The following DAB1 variants were observed in gnomAD, a reference collection of about 807,000 sequenced individuals.
The protein encoded by DAB1 is DAB adaptor protein 1, also known as disabled homolog 1.
DAB1 carries 15 observed loss-of-function variants against 64.6 expected under a neutral mutation model. The observed-to-expected ratio is 0.23, with a 90% CI of 0.16 to 0.36. The LOEUF (loss-of-function observed/expected upper bound fraction) is 0.36, where lower values mean the gene tolerates loss of function less well. Ranked by LOEUF, DAB1 falls within the 10% of genes least tolerant of loss-of-function variation. The pLI is 1.00. For synonymous variants in DAB1, 235 were observed against 251.9 expected (o/e 0.93, Z 0.64); for missense variants, 596 against 706.7 (o/e 0.84, Z 1.78).
At chr1:57,535,603 C>T (rs1400690047) in intron 7 of DAB1, among the ~76,000 whole-genome samples, 1 of 151,706 alleles carries the variant, frequency 6.6e-6, no homozygotes, top group East Asian at 2.0e-4. Context: ...GCTGGGATTA[C>T]AGGCACGCGC....
chr1:57,106,254 A>ATC (rs1557730619), intron 4 of DAB1, among the ~76,000 whole-genome samples: 1 of 87,684 alleles, frequency 1.1e-5, no homozygotes, highest in Non-Finnish European at 2.3e-5. Context: ...TTATCCCCCT[A>ATC]ACACCCCCCC....
Position 57,291,102 on chromosome 1 carries a change from G to A in DAB1, c.-72C>T, listed in dbSNP as rs996518110. The stretch of plus-strand genomic sequence containing the variant: ...AGGCTCATTGAGGACTCTTCTCCAA[G>A]AGAAAGACTCCTCCCTTCAGAAATG... On this transcript the variant is annotated 5_prime_UTR_variant, in exon 2 of 15. Transcript: ENST00000371236. 37 of 944,494 alleles carry A rather than the reference G, an allele frequency of 3.9e-5. No individual in the cohort carries two copies. Among genetic ancestry groups the A allele is most frequent in the Non-Finnish European group, 6.0e-5 (37 of 613,204 alleles). 58.5% of individuals were successfully genotyped at this position (944,494 alleles called of 1,614,324 possible).
chr1:58,169,061 T>C (rs555632839), intron 4 of DAB1, among the ~76,000 whole-genome samples: 1 of 152,306 alleles, frequency 6.6e-6, no homozygotes, highest in South Asian at 2.1e-4. Flanking sequence ...GCTGCTACGT[T>C]GATGAGTGCA....
At chr1:57,284,126 T>C (rs1393274198) in intron 2 of DAB1, among the ~76,000 whole-genome samples, 1 of 152,222 alleles carries the variant, frequency 6.6e-6, no homozygotes, top group Non-Finnish European at 1.5e-5. Flanking sequence ...AATATTTTAA[T>C]GAATAAAAAT....
At chr1:57,744,839 C>T (rs77438556) in intron 6 of DAB1, among the ~76,000 whole-genome samples, 1 of 152,286 alleles carries the variant, frequency 6.6e-6, no homozygotes, top group East Asian at 1.9e-4. Context: ...GGAACAAAAG[C>T]TAAATGGGAG....
intron 4 of DAB1, among the ~76,000 whole-genome samples, chr1:58,198,347 C>A (rs1657804609): frequency 6.6e-6 from 1 of 152,176 alleles, no homozygotes; most frequent in Non-Finnish European, 1.5e-5. Context: ...GTCTTAATCA[C>A]GTAATATTTA....
chr1:57,347,474 T>G (rs1196869458), intron 1 of DAB1, among the ~76,000 whole-genome samples: 1 of 152,238 alleles, frequency 6.6e-6, no homozygotes, highest in East Asian at 1.9e-4. Flanking sequence ...TCTAATTTGC[T>G]GCACAAATGT....
intron 6 of DAB1, among the ~76,000 whole-genome samples, chr1:57,800,926 T>C (rs559604867): frequency 6.6e-6 from 1 of 152,316 alleles, no homozygotes; most frequent in Non-Finnish European, 1.5e-5. Flanking sequence ...TTCATCTATA[T>C]ACACAGGCAT....
intron 4 of DAB1, among the ~76,000 whole-genome samples, chr1:58,320,916 C>G (rs77385857): frequency 0.018 from 2,713 of 152,284 alleles, 77 homozygotes; most frequent in African/African-American, 0.063. Context: ...CCAGCTCATT[C>G]TCCTCCTCCC....
At chr1:57,800,990 A>C (rs1473503075) in intron 6 of DAB1, among the ~76,000 whole-genome samples, 2 of 152,222 alleles carry the variant, frequency 1.3e-5, no homozygotes, top group African/African-American at 2.4e-5. Context: ...AATTCTAAAG[A>C]AGAATAAATC....
At chr1:57,565,517 T>C (rs879938833) in intron 7 of DAB1, among the ~76,000 whole-genome samples, 5 of 152,174 alleles carry the variant, frequency 3.3e-5, no homozygotes, top group African/African-American at 4.8e-5. Flanking sequence ...GTGTGTTGTA[T>C]TCTGGAGACC....
chr1:58,174,192 C>A (rs1480537506), intron 4 of DAB1, among the ~76,000 whole-genome samples: 2 of 152,152 alleles, frequency 1.3e-5, no homozygotes, highest in African/African-American at 4.8e-5. Flanking sequence ...TGTCACCTGG[C>A]ATTTACAGGA....
chr1:57,893,977 C>T lies in DAB1; in HGVS notation n.388-9815G>A, dbSNP rs1213719920. On this transcript the variant is annotated intron_variant and non_coding_transcript_variant, in intron 5 of 20. Coordinates refer to the DAB1 transcript ENST00000485760. ...GGACATCCGGCTGGGGAGGGAAGAACGCCTCAACTGAGCATGCATACAACT... is the reference window on the plus strand; with the variant it reads ...GGACATCCGGCTGGGGAGGGAAGAATGCCTCAACTGAGCATGCATACAACT... Among the ~76,000 whole-genome samples the T allele has an allele frequency of 3.3e-5, 5 of 152,196 alleles. No individual in the cohort carries two copies. The South Asian group carries it at 6.2e-4, about 19-fold the overall frequency.
intron 3 of DAB1, among the ~76,000 whole-genome samples, chr1:58,467,643 G>A (rs1179269373): frequency 1.3e-5 from 2 of 152,124 alleles, no homozygotes; most frequent in Non-Finnish European, 2.9e-5. Flanking sequence ...TCAACTGCTG[G>A]CATGTGACAA....
intron 9 of DAB1, among the ~76,000 whole-genome samples, chr1:57,060,507 C>T (rs1420517895): frequency 6.6e-6 from 1 of 152,030 alleles, no homozygotes; most frequent in Non-Finnish European, 1.5e-5. Context: ...TTTCATATAC[C>T]AGGCCATGGG....
rs184551593 is a variant in DAB1, at chr1:57,110,185, T to C, written c.306+26358A>G. On this transcript the variant is annotated intron_variant, in intron 4 of 14. Transcript: ENST00000371236. ...CTGCTCTCTGCTAGGAATAAAAACA[T>C]GAGCGAGACCAGTCTCTGCCACCAT... Among the ~76,000 whole-genome samples the C allele has an allele frequency of 2.5e-3, 383 of 152,326 alleles. 2 individuals carry two copies. Among genetic ancestry groups the C allele is most frequent in the Non-Finnish European group, 2.9e-3 (194 of 68,026 alleles).
At chr1:58,166,774 A>T (rs1570438097) in intron 4 of DAB1, among the ~76,000 whole-genome samples, 1 of 146,166 alleles carries the variant, frequency 6.8e-6, no homozygotes, top group Non-Finnish European at 1.5e-5. Flanking sequence ...TTAATTTGAG[A>T]CAGGGTCTTG....
At chr1:57,085,640 C>T (rs369393990) in intron 4 of DAB1, among the ~76,000 whole-genome samples, 2 of 152,208 alleles carry the variant, frequency 1.3e-5, no homozygotes, top group Non-Finnish European at 2.9e-5. Flanking sequence ...TTCTTCCTAA[C>T]ACAAACCACA....
chr1:58,416,713 GCCA>G (rs1443293795), intron 3 of DAB1, among the ~76,000 whole-genome samples: 2 of 151,804 alleles, frequency 1.3e-5, no homozygotes, highest in Non-Finnish European at 2.9e-5. Flanking sequence ...AATATAGGTG[GCCA>G]CCTTCTTGCT....
Sources: gnomAD v4.1 joint callset for allele counts (sites outside exome capture counted in the v4.1 genomes callset) on GRCh38, gnomAD v4.1.1 for gene constraint, MANE v1.5 for transcripts, NCBI Gene and HGNC (gene_info 2026-07-23, HGNC 2026-07-21) for gene names.